ARL17A: variants seen among roughly 807,000 people sequenced by gnomAD.
ARL17A encodes ARF like GTPase 17A.
intron 4 of ARL17A, among the ~76,000 whole-genome samples, chr17:46,534,996 C>T (rs1268199681): frequency 6.7e-6 from 1 of 150,350 alleles, no homozygotes; most frequent in East Asian, 1.9e-4. Flanking sequence ...ATGCTCCTCA[C>T]CTCCCAGACA....
chr17:46,502,170 T>C, the ARL17A span, among the ~76,000 whole-genome samples: 12,732 of 140,062 alleles, frequency 0.091, 5 homozygotes, highest in Middle Eastern at 0.14. Flanking sequence ...AGCTCATCGC[T>C]GATGCAGTAA....
chr17:46,543,910 A>G (rs1346748063), intron 3 of ARL17A, among the ~76,000 whole-genome samples: 1 of 148,108 alleles, frequency 6.8e-6, no homozygotes, highest in Non-Finnish European at 1.5e-5. Flanking sequence ...TGTGCCCAGG[A>G]GTTCGAGACC....
the ARL17A span, among the ~76,000 whole-genome samples, chr17:46,503,172 A>G: frequency 7.1e-6 from 1 of 141,060 alleles, no homozygotes. Context: ...AGATCATGCC[A>G]CTGCACTCCA....
At chr17:46,573,019 G>A (rs370389793) in intron 2 of ARL17A, among the ~76,000 whole-genome samples, 1 of 26,614 alleles carries the variant, frequency 3.8e-5, no homozygotes, top group Non-Finnish European at 2.0e-4. Context: ...GGGAGGAAGG[G>A]AGGAAAGGAA....
downstream of ARL17A, chr17:46,548,600 T>G: frequency 6.3e-7 from 1 of 1,591,952 alleles, no homozygotes; most frequent in Non-Finnish European, 8.5e-7. Flanking sequence ...CTGGCAAAGA[T>G]TCAAACTGTA....
At chr17:46,541,881 C>G (rs1362780615) in intron 3 of ARL17A, among the ~76,000 whole-genome samples, 1 of 149,844 alleles carries the variant, frequency 6.7e-6, no homozygotes, top group Non-Finnish European at 1.5e-5. Flanking sequence ...TGGAGCCAAT[C>G]CCCTGCAGAC....
At chr17:46,551,109 C>T (rs1226531737), downstream of ARL17A, among the ~76,000 whole-genome samples, 7 of 149,794 alleles carry the variant, frequency 4.7e-5, no homozygotes, top group African/African-American at 7.7e-5. Context: ...TCTAGCCCTC[C>T]TGAGCCTAGA....
rs968229730 is a variant in ARL17A at position 46,530,350 on chromosome 17, A to C, written c.336-1491T>G. Among the ~76,000 whole-genome samples, 29 of 141,480 alleles carry C rather than the reference A, an allele frequency of 2.0e-4. 1 individual carries two copies. Among genetic ancestry groups the C allele is most frequent in the African/African-American group, 7.7e-4 (29 of 37,904 alleles). 92.8% of individuals were successfully genotyped at this position (141,480 alleles called of 152,430 possible). On this transcript the variant is annotated intron_variant, in intron 4 of 4. Transcript: ENST00000329240. ...AGCCCTAGTTTGAGAATCCATACTT[A>C]ACCAGTCATGTGGCACTCACATTCT...
At chr17:46,525,587 AAAT>A (rs1219756396), downstream of ARL17A, among the ~76,000 whole-genome samples, 17 of 66,682 alleles carry the variant, frequency 2.5e-4, no homozygotes, top group African/African-American at 6.0e-4. Context: ...ACTCTGTCTC[AAAT>A]AATAATAATA....
In ARL17A at chr17:46,545,314, G is replaced by A. The variant is rs1324390684; in HGVS notation, c.260-6888C>T. The stretch of plus-strand genomic sequence containing the variant: ...AAAAAAAAAAAAATTAGCTGGGCAT[G>A]GTGGTGCAAGCCTATACTCCCAGCT... On this transcript the variant is annotated intron_variant, in intron 3 of 4. Transcript: ENST00000329240. Among the ~76,000 whole-genome samples, 9 of 146,218 alleles carry A rather than the reference G, an allele frequency of 6.2e-5. No individual in the cohort carries two copies. In the East Asian group the frequency reaches 1.8e-3, roughly 29 times the overall value.
intron 3 of ARL17A, among the ~76,000 whole-genome samples, chr17:46,543,914 C>T (rs1260430957): frequency 9.5e-5 from 14 of 147,488 alleles, no homozygotes; most frequent in African/African-American, 3.2e-4. Context: ...CCCAGGAGTT[C>T]GAGACCAGCC....
chr17:46,501,928 TG>T, the ARL17A span, among the ~76,000 whole-genome samples: 3 of 151,312 alleles, frequency 2.0e-5, 1 homozygote, highest in Non-Finnish European at 4.4e-5. Context: ...TCTTCAATCC[TG>T]GTTCCACTTC....
chr17:46,551,323 T>G (rs1371902745), downstream of ARL17A, among the ~76,000 whole-genome samples: 1 of 150,290 alleles, frequency 6.7e-6, no homozygotes, highest in Non-Finnish European at 1.5e-5. Flanking sequence ...AGGCCAGTGC[T>G]AGCATATTGG....
rs567257736 is a variant in ARL17A at position 46,534,744 on chromosome 17, G to T, written c.335+3607C>A. 3.8e-3 allele frequency among the ~76,000 whole-genome samples: 574 copies of T among 150,188 alleles called. 10 individuals carry two copies. The highest frequency in any genetic ancestry group is 0.014 in the African/African-American group (549 of 39,800). On this transcript the variant is annotated intron_variant, in intron 4 of 4. Transcript: ENST00000329240. The stretch of plus-strand genomic sequence containing the variant: ...CCAGACGGGGTGGCGGCCGGGCAGA[G>T]GGGCTCCTCACTTCCCAGAAGGGGC...
At chr17:46,533,623 T>A (rs1385284561) in intron 4 of ARL17A, among the ~76,000 whole-genome samples, 1 of 82,962 alleles carries the variant, frequency 1.2e-5, no homozygotes, top group African/African-American at 8.1e-5. Context: ...TGCCTCAGCC[T>A]CCTGAGTAGC....
At chr17:46,533,805 G>A (rs1374226515) in intron 4 of ARL17A, among the ~76,000 whole-genome samples, 3 of 93,462 alleles carry the variant, frequency 3.2e-5, no homozygotes, top group African/African-American at 1.9e-4. Context: ...CCCAGCCAGT[G>A]CTTTTTATTT....
chr17:46,501,311 G>A, the ARL17A span, among the ~76,000 whole-genome samples: 3 of 151,118 alleles, frequency 2.0e-5, no homozygotes, highest in Non-Finnish European at 4.4e-5. Flanking sequence ...GAGTAGCTGG[G>A]ACCACAGGCA....
chr17:46,516,873 AATCAG>A (rs2051445260), exon 5 of ARL17A: 1 of 260,490 alleles, frequency 3.8e-6, no homozygotes, highest in Non-Finnish European at 7.7e-6. Context: ...GAAGGGGCCA[AATCAG>A]ATCAGTTGTA....
At chr17:46,548,467 A>G (rs1168067892), downstream of ARL17A, 4 of 1,093,264 alleles carry the variant, frequency 3.7e-6, no homozygotes, top group South Asian at 1.5e-5. Context: ...GCAGCTAGAC[A>G]CCAATGACGA....
Sources: allele counts gnomAD v4.1 joint callset (sites outside exome capture counted in the v4.1 genomes callset), GRCh38; gene constraint gnomAD v4.1.1; transcripts MANE v1.5; gene names NCBI Gene and HGNC (gene_info 2026-07-23, HGNC 2026-07-21).